The following PCDH9 variants were observed in gnomAD, a reference collection of about 807,000 sequenced individuals.
The protein encoded by PCDH9 is protocadherin-9.
In PCDH9, 24 loss-of-function variants were observed where a neutral mutation model predicts 70.6. The ratio of observed to expected loss-of-function variants is 0.34; its 90% CI spans 0.25 to 0.48. PCDH9 has a LOEUF of 0.48. Ranked by LOEUF, PCDH9 falls within the 20% of genes least tolerant of loss-of-function variation. The pLI is 0.99. For synonymous variants in PCDH9, 562 were observed against 558.5 expected (o/e 1.01, Z -0.09); for missense variants, 1,281 against 1,503.6 (o/e 0.85, Z 2.45).
chr13:67,198,185 C>A (rs1225753977), intron 2 of PCDH9, among the ~76,000 whole-genome samples: 1 of 151,314 alleles, frequency 6.6e-6, no homozygotes, highest in African/African-American at 2.4e-5. Context: ...AGGGAACATA[C>A]TTTGTTCTAT....
intron 3 of PCDH9, among the ~76,000 whole-genome samples, chr13:66,842,780 A>C (rs1268865816): frequency 1.3e-5 from 2 of 152,190 alleles, no homozygotes; most frequent in African/African-American, 4.8e-5. Context: ...TATTCCAAGC[A>C]CTAATGAAGA....
At chr13:66,684,273 C>T (rs1887761114) in intron 3 of PCDH9, among the ~76,000 whole-genome samples, 1 of 152,128 alleles carries the variant, frequency 6.6e-6, no homozygotes, top group Non-Finnish European at 1.5e-5. Context: ...GAAAATTGAT[C>T]ATTTCTCTGA....
At chr13:66,786,238 T>C (rs1196766551) in intron 3 of PCDH9, among the ~76,000 whole-genome samples, 5 of 152,258 alleles carry the variant, frequency 3.3e-5, no homozygotes, top group South Asian at 2.1e-4. Flanking sequence ...GCCACATGCA[T>C]CAAGGAAAGC....
At chr13:67,096,634 GCTGA>G (rs371459261) in intron 2 of PCDH9, among the ~76,000 whole-genome samples, 18 of 152,218 alleles carry the variant, frequency 1.2e-4, no homozygotes, top group African/African-American at 4.1e-4. Flanking sequence ...CACTTACACT[GCTGA>G]CTAAGGATAA....
At chr13:66,654,279 T>G (rs560397162) in intron 3 of PCDH9, among the ~76,000 whole-genome samples, 2 of 152,076 alleles carry the variant, frequency 1.3e-5, no homozygotes, top group African/African-American at 4.8e-5. Flanking sequence ...ATAGAACTCA[T>G]GGAGATAGAG....
chr13:66,736,118 C>T (rs1300610941), intron 3 of PCDH9, among the ~76,000 whole-genome samples: 3 of 151,958 alleles, frequency 2.0e-5, no homozygotes, highest in Non-Finnish European at 2.9e-5. Flanking sequence ...ATACAGCATA[C>T]TATGATAATT....
At chr13:66,613,990 T>C (rs909943323) in intron 4 of PCDH9, among the ~76,000 whole-genome samples, 4 of 152,174 alleles carry the variant, frequency 2.6e-5, no homozygotes, top group South Asian at 2.1e-4. Context: ...GGCTTCACAA[T>C]TGGTAAGGCC....
At chr13:66,464,664 G>C (rs1215407848) in intron 4 of PCDH9, among the ~76,000 whole-genome samples, 3 of 151,904 alleles carry the variant, frequency 2.0e-5, no homozygotes, top group African/African-American at 7.2e-5. Context: ...CATGCTTAAA[G>C]GAACAAATCT....
chr13:66,305,062 G>T, intron 4 of PCDH9, 34 bp from the exon 5 acceptor site: 1 of 1,537,292 alleles, frequency 6.5e-7, no homozygotes, highest in Non-Finnish European at 8.7e-7. Flanking sequence ...ATAAGAAAAG[G>T]AAGTGGTTAA....
At chr13:66,742,497 T>G (rs1199338394) in intron 3 of PCDH9, among the ~76,000 whole-genome samples, 1 of 146,842 alleles carries the variant, frequency 6.8e-6, no homozygotes, top group African/African-American at 2.6e-5. Flanking sequence ...ACAAATGGGA[T>G]CTAATTAAAC....
At chr13:67,177,106 A>G (rs2088482838) in intron 2 of PCDH9, among the ~76,000 whole-genome samples, 1 of 152,142 alleles carries the variant, frequency 6.6e-6, no homozygotes. Context: ...TCAATAAAGT[A>G]CCTTAATTAT....
At chr13:66,823,006 T>C (rs1048877515) in intron 3 of PCDH9, among the ~76,000 whole-genome samples, 2 of 152,128 alleles carry the variant, frequency 1.3e-5, no homozygotes, top group Non-Finnish European at 1.5e-5. Context: ...TTTTAATAGA[T>C]ACAAATATTT....
At chr13:66,474,197 A>G (rs1344798430) in intron 4 of PCDH9, among the ~76,000 whole-genome samples, 2 of 152,162 alleles carry the variant, frequency 1.3e-5, no homozygotes, top group Admixed American at 1.3e-4. Context: ...TGACTTACCT[A>G]TCTGCATGGG....
intron 2 of PCDH9, among the ~76,000 whole-genome samples, chr13:67,028,917 G>A (rs2084847755): frequency 6.6e-6 from 1 of 152,076 alleles, no homozygotes; most frequent in South Asian, 2.1e-4. Flanking sequence ...GAGTTGAATT[G>A]CACCAAAAAA....
At chr13:66,533,927 C>CTTTCTA (rs1335027725) in intron 4 of PCDH9, among the ~76,000 whole-genome samples, 5 of 151,996 alleles carry the variant, frequency 3.3e-5, no homozygotes, top group Non-Finnish European at 7.4e-5. Flanking sequence ...TTTTTTTGTT[C>CTTTCTA]TTTCTATGTC....
chr13:66,441,957 C>T (rs1238747931), intron 4 of PCDH9, among the ~76,000 whole-genome samples: 1 of 152,124 alleles, frequency 6.6e-6, no homozygotes, highest in African/African-American at 2.4e-5. Context: ...ACGCAAATAA[C>T]AAATTGGAAT....
intron 4 of PCDH9, among the ~76,000 whole-genome samples, chr13:66,520,778 A>G (rs937600433): frequency 6.6e-6 from 1 of 152,130 alleles, no homozygotes; most frequent in Admixed American, 6.6e-5. Flanking sequence ...GTGTTTAGGT[A>G]TCTTATGTCT....
At chr13:66,851,521 T>C (rs2139455999) in intron 3 of PCDH9, among the ~76,000 whole-genome samples, 1 of 152,136 alleles carries the variant, frequency 6.6e-6, no homozygotes, top group Admixed American at 6.6e-5. Flanking sequence ...TCTAGGAGTT[T>C]AGATTCTGAA....
intron 4 of PCDH9, among the ~76,000 whole-genome samples, chr13:66,468,449 C>T (rs1199217762): frequency 6.6e-6 from 1 of 152,128 alleles, no homozygotes; most frequent in Non-Finnish European, 1.5e-5. Context: ...TTCCCTGACT[C>T]ACCTAGTAAT....
Sources: allele counts gnomAD v4.1 joint callset (sites outside exome capture counted in the v4.1 genomes callset), GRCh38; gene constraint gnomAD v4.1.1; transcripts MANE v1.5; gene names NCBI Gene and HGNC (gene_info 2026-07-23, HGNC 2026-07-21).